Variants in PDIA2 observed in about 807,000 individuals in gnomAD.
The protein encoded by PDIA2 is protein disulfide isomerase family A member 2.
In PDIA2, 76 loss-of-function variants were observed where a neutral mutation model predicts 51.1. The ratio of observed to expected loss-of-function variants is 1.49; its 90% CI spans 1.24 to 1.80. The LOEUF (loss-of-function observed/expected upper bound fraction) is 1.80. Among genes scored for constraint, PDIA2 ranks in the 40% most tolerant of loss-of-function variants. The pLI, the probability that PDIA2 is intolerant of heterozygous loss-of-function variation, is 0.00. For missense variants in PDIA2, 946 were observed against 706.5 expected, an observed-to-expected ratio of 1.34 and a Z score of -3.84; for synonymous variants, 429 against 309.9, an observed-to-expected ratio of 1.38 and a Z score of -4.04.
At position 284,658 on chromosome 16, in the gene PDIA2, G is replaced by A. The variant is rs748506180; in HGVS notation, c.407-1G>A. ...CCGAGGCTGAGGGGGACTCCCTGCAGGACCACGGGACGCTGAGGGCATTGC... is the reference window on the plus strand; with the variant it reads ...CCGAGGCTGAGGGGGACTCCCTGCAAGACCACGGGACGCTGAGGGCATTGC... On this transcript the variant is annotated splice_acceptor_variant, in intron 2 of 10. Coordinates refer to ENST00000219406, the MANE Select transcript of PDIA2 (RefSeq NM_006849.4). LOFTEE classifies it high-confidence loss of function. 1.9e-6 allele frequency: 3 copies of A among 1,595,748 alleles called. No individual in the cohort carries two copies. The South Asian group carries it at 3.3e-5, about 18-fold the overall frequency.
chr16:283,998 G>C (rs2052320066), intron 1 of PDIA2, among the ~76,000 whole-genome samples: 1 of 152,210 alleles, frequency 6.6e-6, no homozygotes, highest in Admixed American at 6.5e-5. Flanking sequence ...CCGAGTAGCT[G>C]GGATTATAGG....
Position 285,715 on chromosome 16 carries a change from A to G in PDIA2, c.1119+12A>G, listed in dbSNP as rs778592211. The G allele has an allele frequency of 2.5e-6, 4 of 1,610,774 alleles. No homozygotes were observed. The highest frequency in any genetic ancestry group is 2.5e-6 in the Non-Finnish European group (3 of 1,178,976). ...ACGGCCAAGTCAAGGTCCGCTGCAG[A>G]CTGCTCATAATGGAAGGGGAACCCT... On this transcript the variant is annotated intron_variant, in intron 7 of 10. Coordinates refer to ENST00000219406, the MANE Select transcript of PDIA2 (RefSeq NM_006849.4).
rs779616324 is a variant in PDIA2, at chr16:285,448, G to A, written c.921+11G>A. On this transcript the variant is annotated intron_variant, in intron 6 of 10. Coordinates refer to ENST00000219406, the MANE Select transcript of PDIA2 (RefSeq NM_006849.4). Reference sequence around the variant, plus strand: ...CGCTTCCGGGGGCAGGTACTGGGGGGCTGGGGGAAAGGGGCAGCGGGAGAG... The same window carrying A: ...CGCTTCCGGGGGCAGGTACTGGGGGACTGGGGGAAAGGGGCAGCGGGAGAG... The A allele has an allele frequency of 6.8e-6, 11 of 1,610,936 alleles. No individual in the cohort carries two copies. Among genetic ancestry groups the A allele is most frequent in the East Asian group, 6.7e-5 (3 of 44,872 alleles).
At chr16:285,739 C>A in intron 7 of PDIA2, 36 bp downstream of exon 7, 1 of 1,595,410 alleles carries the variant, frequency 6.3e-7, no homozygotes, top group East Asian at 2.3e-5. Context: ...AAGGGGAACC[C>A]TGACCTCATC....
In PDIA2 at chr16:284,696, A is replaced by G; in HGVS notation, c.444A>G (p.Arg148=). The change falls in exon 3 of 11, where the codon CGA becomes CGG. Residue 148 remains arginine, a synonymous_variant. Coordinates refer to ENST00000219406, the MANE Select transcript of PDIA2 (RefSeq NM_006849.4). ...RDAEGIAEWL[R]RRVGPSAMRL... ...CTGAGGGCATTGCCGAGTGGCTGCG[A>G]CGGCGGGTGGGGCCCAGTGCCATGC... is the stretch of plus-strand genomic sequence containing the variant. The G allele has an allele frequency of 6.3e-7, 1 of 1,583,770 alleles. No homozygotes were observed. The highest frequency in any genetic ancestry group is 8.5e-7 in the Non-Finnish European group (1 of 1,170,152).
chr16:284,789 C>A lies in PDIA2; in HGVS notation c.537C>A (p.Phe179Leu). 5.1e-6 allele frequency: 8 copies of A among 1,573,490 alleles called. No individual in the cohort carries two copies. The highest frequency in any genetic ancestry group is 6.9e-6 in the Non-Finnish European group (8 of 1,163,052). ...GGRDLVVIGF[F>L]QDLQDEDVAT... is the part of the protein sequence containing the mutation. ...GGGACCTAGTGGTCATTGGCTTCTT[C>A]CAGGTGAGCCACTGGGCATGGGGGG... The change falls in exon 3 of 11, where the codon TTC becomes TTA. Residue 179 changes from phenylalanine to leucine, a missense_variant. By Grantham distance (22) the Phe-to-Leu change is conservative. Transcript: ENST00000219406.
chr16:285,651 C>A lies in PDIA2; in HGVS notation c.1067C>A (p.Thr356Asn). Residue 356 changes from threonine (T) to asparagine (N), a missense_variant, in exon 7 of 11, where the codon ACC (threonine) becomes AAC (asparagine). Thr to Asn is a moderately conservative substitution (Grantham distance 65). Coordinates refer to ENST00000219406, the MANE Select transcript of PDIA2 (RefSeq NM_006849.4). The stretch of plus-strand genomic sequence containing the variant: ...GCGCCTGTGGATGGGGGCCCTGTCA[C>A]CGCAGCGTCCATCACTGCTTTCTGC... ...KYAPVDGGPV[T>N]AASITAFCHA... 1 of 1,613,312 alleles carries A rather than the reference C, an allele frequency of 6.2e-7. No individual in the cohort carries two copies. The highest frequency in any genetic ancestry group is 1.1e-5 in the South Asian group (1 of 91,082).
At position 285,065 on chromosome 16, in the gene PDIA2, C is replaced by T; in HGVS notation, c.679-19C>T. ...GGGGTCCGGCTGCAGCGCCCGCTAA[C>T]CCACCTGCTGCTGTCCAGTTTGATG... On this transcript the variant is annotated intron_variant, in intron 4 of 10. Coordinates refer to ENST00000219406, the MANE Select transcript of PDIA2 (RefSeq NM_006849.4). The T allele has an allele frequency of 1.2e-6, 2 of 1,613,048 alleles. No individual in the cohort carries two copies. The highest frequency in any genetic ancestry group is 1.7e-6 in the Non-Finnish European group (2 of 1,179,918).
Position 285,661 on chromosome 16 carries a change from C to T in PDIA2, c.1077C>T (p.Ser359=), listed in dbSNP as rs2141449531. Reference sequence around the variant, plus strand: ...ATGGGGGCCCTGTCACCGCAGCGTCCATCACTGCTTTCTGCCATGCAGTCC... The same window carrying T: ...ATGGGGGCCCTGTCACCGCAGCGTCTATCACTGCTTTCTGCCATGCAGTCC... ...PVDGGPVTAA[S]ITAFCHAVLN... Residue 359 remains serine (S), a synonymous_variant, in exon 7 of 11, where the codon TCC becomes TCT. Transcript: ENST00000219406. 7 of 1,613,268 alleles carry T rather than the reference C, an allele frequency of 4.3e-6. No homozygotes were observed. In the East Asian group the frequency reaches 8.9e-5, roughly 21 times the overall value.
Position 287,157 on chromosome 16 carries a change from C to A in PDIA2, c.*44C>A, listed in dbSNP as rs761339680. ...CGCCATCACTGCTGGACAGGAGCCA[C>A]CCCCTTGGGTACCAGAGGGAGCTGT... is the stretch of plus-strand genomic sequence containing the variant. On this transcript the variant is annotated 3_prime_UTR_variant, in exon 11 of 11. Transcript: ENST00000219406. 5 of 1,609,810 alleles carry A rather than the reference C, an allele frequency of 3.1e-6. No individual in the cohort carries two copies. In the South Asian group the frequency reaches 4.4e-5, roughly 14 times the overall value.
Position 284,965 on chromosome 16 carries a change from C to T in PDIA2, c.628C>T (p.Leu210Phe), listed in dbSNP as rs1053318654. ...CTTTGGCCTCACAGACCGGCCGCGG[C>T]TCTTTCAGCAGTTTGGCCTCACCAA... ...MTFGLTDRPR[L>F]FQQFGLTKDT... The change falls in exon 4 of 11, where the codon CTC becomes TTC. Residue 210 changes from leucine (L) to phenylalanine (F), a missense_variant. Leu to Phe is a conservative substitution (Grantham distance 22, BLOSUM62 0). Transcript: ENST00000219406. 1 of 1,613,404 alleles carries T rather than the reference C, an allele frequency of 6.2e-7. No homozygotes were observed. Among genetic ancestry groups the T allele is most frequent in the Non-Finnish European group, 8.5e-7 (1 of 1,180,006 alleles).
chr16:285,860 A>C (rs1385339878), intron 7 of PDIA2, among the ~76,000 whole-genome samples, 157 bp downstream of exon 7: 1 of 122,626 alleles, frequency 8.2e-6, no homozygotes, highest in Non-Finnish European at 1.7e-5. Context: ...CGGTTCTCCC[A>C]ACCCCAACCC....
intron 7 of PDIA2, among the ~76,000 whole-genome samples, chr16:285,925 T>TCCCAACCCCAACCCCAAC (rs371090480): frequency 2.1e-4 from 5 of 23,258 alleles, no homozygotes; most frequent in East Asian, 7.3e-4. Flanking sequence ...CCCGCGGTTC[T>TCCCAACCCCAACCCCAAC]CCCAACCCCA....
chr16:283,492 C>A (rs2052313232), intron 1 of PDIA2, 124 bp downstream of exon 1: 3 of 1,060,726 alleles, frequency 2.8e-6, no homozygotes, highest in Non-Finnish European at 3.9e-6. Context: ...CAGGCACTTG[C>A]CCCCACTGTG....
chr16:286,413 G>C lies in PDIA2; in HGVS notation c.1180G>C (p.Val394Leu), dbSNP rs200448607. The C allele has an allele frequency of 1.7e-5, 28 of 1,612,278 alleles. No individual in the cohort carries two copies. The highest frequency in any genetic ancestry group is 2.2e-5 in the Non-Finnish European group (26 of 1,179,794). ...GGATCAGCGGCCAGTTAAGACCCTC[G>C]TGGGCAAGAATTTTGAGCAGGTGGC... is the stretch of plus-strand genomic sequence containing the variant. ...DWDQRPVKTL[V>L]GKNFEQVAFD... Residue 394 changes from valine to leucine, a missense_variant, in exon 8 of 11, where the codon GTG (valine) becomes CTG (leucine). By Grantham distance (32) the Val-to-Leu change is conservative. Coordinates refer to ENST00000219406, the MANE Select transcript of PDIA2 (RefSeq NM_006849.4).
In PDIA2 at chr16:285,310, AG is replaced by A; in HGVS notation, c.796-1del. 6.2e-7 allele frequency: 1 copy of A among 1,612,758 alleles called. No individual in the cohort carries two copies. The highest frequency in any genetic ancestry group is 8.5e-7 in the Non-Finnish European group (1 of 1,179,848). ...GAGTCATGAGCACCCTCCCTACTGT[AG>A]ACGTCTGCCAAGATCTTCGCGGCCA... On this transcript the variant is annotated splice_acceptor_variant, in intron 5 of 10. Coordinates refer to ENST00000219406, the MANE Select transcript of PDIA2 (RefSeq NM_006849.4). LOFTEE classifies it high-confidence loss of function.
intron 9 of PDIA2, 35 bp downstream of exon 9, chr16:286,770 G>A (rs1567251997): frequency 1.2e-6 from 2 of 1,612,406 alleles, no homozygotes; most frequent in South Asian, 1.1e-5. Flanking sequence ...GGAAGCCGGG[G>A]TGCCATCTTG....
At chr16:285,255 G>A (rs2052338789) in intron 5 of PDIA2, 55 bp downstream of exon 5, 1 of 1,612,296 alleles carries the variant, frequency 6.2e-7, no homozygotes. Flanking sequence ...GTCGTCCAGG[G>A]ATGGGGGTGC....
At position 284,756 on chromosome 16, in the gene PDIA2, C is replaced by T. The variant is rs745548123; in HGVS notation, c.504C>T (p.Ile168=). 65 of 1,562,652 alleles carry T rather than the reference C, an allele frequency of 4.2e-5. No individual in the cohort carries two copies. In the East Asian group the frequency reaches 4.7e-4, roughly 11 times the overall value. The change falls in exon 3 of 11, where the codon ATC becomes ATT. Residue 168 remains isoleucine, a synonymous_variant. Transcript: ENST00000219406. ...LEDEAAAQAL[I]GGRDLVVIGF... ...ACGAGGCGGCCGCCCAGGCGCTGAT[C>T]GGTGGCCGGGACCTAGTGGTCATTG...
Sources: allele counts gnomAD v4.1 joint callset (sites outside exome capture counted in the v4.1 genomes callset), GRCh38; gene constraint gnomAD v4.1.1; transcripts MANE v1.5; gene names NCBI Gene and HGNC (gene_info 2026-07-23, HGNC 2026-07-21).